The following RPA3 variants were observed in gnomAD, a reference collection of about 807,000 sequenced individuals.
The protein encoded by RPA3 is replication protein A3, also known as replication protein A 14 kDa subunit.
Under a neutral mutation model 13.7 loss-of-function variants are expected in RPA3, and 24 were observed. That is an observed-to-expected ratio of 1.75 (90% CI 1.27 to 2.46). The LOEUF (loss-of-function observed/expected upper bound fraction) is 2.46, where lower values mean the gene tolerates loss of function less well. Ranked by LOEUF, RPA3 falls within the 30% of genes most tolerant of loss-of-function variation. The pLI, the probability that RPA3 is intolerant of heterozygous loss-of-function variation, is 0.00. For missense variants in RPA3, 183 were observed against 151.0 expected (o/e 1.21, Z -1.11); for synonymous variants, 59 against 51.2 (o/e 1.15, Z -0.65).
At chr7:7,681,574 T>A (rs975070581) in intron 4 of RPA3, among the ~76,000 whole-genome samples, 1 of 152,166 alleles carries the variant, frequency 6.6e-6, no homozygotes, top group Admixed American at 6.5e-5. Context: ...CCTATTCACG[T>A]AAGAAGGTAA....
intron 4 of RPA3, among the ~76,000 whole-genome samples, chr7:7,650,639 G>A (rs951514827): frequency 2.6e-5 from 4 of 152,172 alleles, no homozygotes; most frequent in African/African-American, 9.7e-5. Context: ...TATTACCACA[G>A]TTAATAAGTA....
chr7:7,652,232 C>A (rs1785239214), intron 4 of RPA3, among the ~76,000 whole-genome samples: 2 of 152,172 alleles, frequency 1.3e-5, no homozygotes, highest in Admixed American at 6.5e-5. Flanking sequence ...GCCATTTATT[C>A]ATTCCTTTGA....
chr7:7,679,900 T>C (rs1779866182), intron 4 of RPA3, among the ~76,000 whole-genome samples: 1 of 151,784 alleles, frequency 6.6e-6, no homozygotes, highest in South Asian at 2.1e-4. Context: ...TATTTTTTCC[T>C]GTTGAGTTGT....
At chr7:7,649,706 A>C (rs1326233830) in intron 4 of RPA3, among the ~76,000 whole-genome samples, 1 of 150,350 alleles carries the variant, frequency 6.7e-6, no homozygotes, top group Non-Finnish European at 1.5e-5. Flanking sequence ...CCACCCTACA[A>C]ATTTTAACCT....
intron 7 of RPA3, among the ~76,000 whole-genome samples, chr7:7,637,418 T>A (rs1208151010): frequency 6.6e-6 from 1 of 152,148 alleles, no homozygotes; most frequent in Non-Finnish European, 1.5e-5. Context: ...CAAACATTAA[T>A]TAATCTTTAC....
Position 7,640,648 on chromosome 7 carries a change from C to A in RPA3, c.-230G>T. 1 of 535,594 alleles carries A rather than the reference C, an allele frequency of 1.9e-6. No homozygotes were observed. Among genetic ancestry groups the A allele is most frequent in the South Asian group, 2.3e-5 (1 of 43,552 alleles). 33.2% of individuals were successfully genotyped at this position (535,594 alleles called of 1,614,324 possible). A position where few individuals can be genotyped will look rare whatever the true frequency, so the allele number is the denominator to read the frequency against. On this transcript the variant is annotated 5_prime_UTR_variant, in exon 5 of 8. Transcript: ENST00000223129. ...AGATTGGCTGCTTAGTGACGCGCGGCGTCCCGGAAGTTGACAGATACAGGG... is the reference window on the plus strand; with the variant it reads ...AGATTGGCTGCTTAGTGACGCGCGGAGTCCCGGAAGTTGACAGATACAGGG...
chr7:7,672,244 CTA>C lies in RPA3; in HGVS notation c.-758+13584_-758+13585del, dbSNP rs1441369195. On this transcript the variant is annotated intron_variant, in intron 4 of 7. Transcript: ENST00000223129. ...CTTGTAAGGAACTGTCCTCAGAATCCTATGTGTCCTTGCAAGTACCCTTCAAC... is the reference window on the plus strand; with the variant it reads ...CTTGTAAGGAACTGTCCTCAGAATCCTGTGTCCTTGCAAGTACCCTTCAAC... 1.6e-4 allele frequency among the ~76,000 whole-genome samples: 25 copies of C among 152,266 alleles called. 1 individual carries two copies. In the South Asian group the frequency reaches 3.1e-3, roughly 19 times the overall value.
At chr7:7,690,117 G>C (rs1780139329) in intron 2 of RPA3, among the ~76,000 whole-genome samples, 1 of 152,144 alleles carries the variant, frequency 6.6e-6, no homozygotes, top group South Asian at 2.1e-4. Context: ...ATATTAGGCA[G>C]GGATTCCTTT....
In RPA3 at chr7:7,636,819, A is replaced by G. The variant is rs1336327179; in HGVS notation, c.*181T>C. ...CCATATATTGGAGTAGCAATTCTTT[A>G]TAAAAGGACTTCGGTGAGAACTGTC... On this transcript the variant is annotated 3_prime_UTR_variant, in exon 8 of 8. Transcript: ENST00000223129. 4 of 557,202 alleles carry G rather than the reference A, an allele frequency of 7.2e-6. No homozygotes were observed. The East Asian group carries it at 1.3e-4, about 18-fold the overall frequency. 34.5% of individuals were successfully genotyped at this position (557,202 alleles called of 1,614,324 possible). A position where few individuals can be genotyped will look rare whatever the true frequency, so the allele number is the denominator to read the frequency against.
At chr7:7,646,371 G>A (rs139347243) in intron 4 of RPA3, among the ~76,000 whole-genome samples, 63 of 151,800 alleles carry the variant, frequency 4.2e-4, no homozygotes, top group Non-Finnish European at 7.1e-4. Context: ...GGAGGGACCC[G>A]ATGAGAGATA....
intron 4 of RPA3, among the ~76,000 whole-genome samples, chr7:7,685,611 T>C (rs1251756642): frequency 3.3e-5 from 5 of 152,186 alleles, no homozygotes; most frequent in Admixed American, 3.3e-4. Flanking sequence ...CCCGGCCACA[T>C]TAATCTTTAT....
chr7:7,650,489 G>T (rs1785200194), intron 4 of RPA3, among the ~76,000 whole-genome samples: 1 of 152,078 alleles, frequency 6.6e-6, no homozygotes. Context: ...TTTTGCTGTA[G>T]GCTTACATGT....
chr7:7,663,816 A>G (rs1271476941), intron 4 of RPA3, among the ~76,000 whole-genome samples: 1 of 152,198 alleles, frequency 6.6e-6, no homozygotes, highest in African/African-American at 2.4e-5. Flanking sequence ...TAGGAATTAC[A>G]TGCATGACTA....
chr7:7,683,209 G>A (rs918445021), intron 4 of RPA3, among the ~76,000 whole-genome samples: 9 of 152,256 alleles, frequency 5.9e-5, no homozygotes, highest in Non-Finnish European at 1.2e-4. Context: ...ACGTAAATTA[G>A]GGATCTATCT....
chr7:7,646,203 A>G (rs2115545647), intron 4 of RPA3, among the ~76,000 whole-genome samples: 1 of 152,308 alleles, frequency 6.6e-6, no homozygotes, highest in Middle Eastern at 3.4e-3. Context: ...CTTGTCTAGC[A>G]TCGAGGAGGA....
intron 2 of RPA3, among the ~76,000 whole-genome samples, chr7:7,708,384 T>C (rs1023251748): frequency 3.1e-4 from 47 of 152,200 alleles, no homozygotes; most frequent in African/African-American, 1.1e-3. Flanking sequence ...TAGAGAGATA[T>C]ATATTATAAA....
At chr7:7,714,151 T>C (rs2115173673) in intron 2 of RPA3, among the ~76,000 whole-genome samples, 1 of 152,384 alleles carries the variant, frequency 6.6e-6, no homozygotes, top group South Asian at 2.1e-4. Context: ...ATGATAGAAA[T>C]TCCTGAAATG....
Position 7,662,998 on chromosome 7 carries a change from G to C in RPA3, c.-757-21823C>G, listed in dbSNP as rs1056088190. On this transcript the variant is annotated intron_variant, in intron 4 of 7. Coordinates refer to ENST00000223129, the MANE Select transcript of RPA3 (RefSeq NM_002947.5). ...CTCAAAAAAATTTAAAGAAGTGTGT[G>C]AGTGCTTTGAAAAAGCCTTTTTTGC... Among the ~76,000 whole-genome samples, 4 of 107,090 alleles carry C rather than the reference G, an allele frequency of 3.7e-5. No homozygotes were observed. The Admixed American group carries it at 4.2e-4, about 11-fold the overall frequency. The allele number at this position is 107,090 out of a possible 152,430, so 70.3% of individuals were successfully genotyped here. A position where few individuals can be genotyped will look rare whatever the true frequency, so the allele number is the denominator to read the frequency against.
At chr7:7,643,544 C>T (rs993999184) in intron 4 of RPA3, among the ~76,000 whole-genome samples, 1 of 152,140 alleles carries the variant, frequency 6.6e-6, no homozygotes, top group Non-Finnish European at 1.5e-5. Context: ...AACCCTGTCT[C>T]TACTAAATAT....
Sources: gnomAD v4.1 joint callset for allele counts (sites outside exome capture counted in the v4.1 genomes callset) on GRCh38, gnomAD v4.1.1 for gene constraint, MANE v1.5 for transcripts, NCBI Gene and HGNC (gene_info 2026-07-23, HGNC 2026-07-21) for gene names.